Variants in GABRB3 observed in about 807,000 individuals in gnomAD.
GABRB3 encodes gamma-aminobutyric acid type A receptor subunit beta3, also known as gamma-aminobutyric acid receptor subunit beta-3.
In GABRB3, 14 loss-of-function variants were observed where a neutral mutation model predicts 52.1. That is an observed-to-expected ratio of 0.27 (90% confidence interval 0.18 to 0.42). GABRB3 has a LOEUF of 0.42. Ranked by LOEUF, GABRB3 falls within the 10% of genes least tolerant of loss-of-function variation. The pLI is 1.00. For missense variants in GABRB3, 307 were observed against 609.1 expected, an observed-to-expected ratio of 0.50 and a Z score of 5.22; for synonymous variants, 260 against 232.3, an observed-to-expected ratio of 1.12 and a Z score of -1.08.
intron 3 of GABRB3, among the ~76,000 whole-genome samples, chr15:26,700,971 C>T (rs987611614): frequency 3.3e-5 from 5 of 152,012 alleles, no homozygotes; most frequent in Admixed American, 1.3e-4. Context: ...AGGAGAATGG[C>T]GTGAACCTGG....
At chr15:26,637,952 A>C (rs1200114938) in intron 3 of GABRB3, among the ~76,000 whole-genome samples, 1 of 152,198 alleles carries the variant, frequency 6.6e-6, no homozygotes, top group Non-Finnish European at 1.5e-5. Flanking sequence ...ACCAAGGGCA[A>C]AAGACCTCAG....
intron 3 of GABRB3, among the ~76,000 whole-genome samples, chr15:26,669,783 C>T (rs1005029059): frequency 2.6e-5 from 4 of 152,216 alleles, no homozygotes; most frequent in African/African-American, 9.6e-5. Flanking sequence ...CCATCTTCTA[C>T]AACCACCATC....
chr15:26,706,154 G>C (rs1889093192), intron 3 of GABRB3, among the ~76,000 whole-genome samples: 1 of 152,166 alleles, frequency 6.6e-6, no homozygotes, highest in South Asian at 2.1e-4. Context: ...TCCACTCAAT[G>C]TTCATTCACT....
chr15:26,716,624 A>T, intron 3 of GABRB3: 1 of 998,940 alleles, frequency 1.0e-6, no homozygotes, highest in Non-Finnish European at 1.2e-6. Context: ...ATCTCCTTAG[A>T]GGCCTCTTGT....
At chr15:26,670,812 G>A (rs1291287134) in intron 3 of GABRB3, among the ~76,000 whole-genome samples, 1 of 152,138 alleles carries the variant, frequency 6.6e-6, no homozygotes, top group Admixed American at 6.5e-5. Context: ...TTTCTTTTAA[G>A]CCCTTGCCTT....
At chr15:26,566,780 T>C (rs566948405) in intron 7 of GABRB3, among the ~76,000 whole-genome samples, 3 of 152,128 alleles carry the variant, frequency 2.0e-5, no homozygotes, top group Non-Finnish European at 4.4e-5. Flanking sequence ...TGAATTCTTA[T>C]GTTTTTTTGT....
intron 3 of GABRB3, among the ~76,000 whole-genome samples, chr15:26,631,961 A>G (rs1374572600): frequency 2.0e-5 from 3 of 152,206 alleles, no homozygotes; most frequent in Non-Finnish European, 2.9e-5. Flanking sequence ...TGGTACCTTT[A>G]AAAAGCTCAC....
rs2140199019 is a variant in GABRB3, at chr15:26,772,400, A to G, written c.240+2T>C. The G allele has an allele frequency of 6.2e-7, 1 of 1,608,150 alleles. No homozygotes were observed. The highest frequency in any genetic ancestry group is 8.5e-7 in the Non-Finnish European group (1 of 1,177,298). ...GACCGCCCTGGGAGGGCGGGCACTC[A>G]CCATGTTGACTTCGGAAACCATGTC... is the stretch of plus-strand genomic sequence containing the variant. On this transcript the variant is annotated splice_donor_variant, in intron 3 of 8. Transcript: ENST00000311550. LOFTEE classifies it high-confidence loss of function.
intron 6 of GABRB3, among the ~76,000 whole-genome samples, chr15:26,573,074 A>G (rs1283527019): frequency 6.6e-6 from 1 of 152,202 alleles, no homozygotes; most frequent in Non-Finnish European, 1.5e-5. Flanking sequence ...GAGCCACTCA[A>G]ATGCATCTGT....
rs1567097849 is a variant in GABRB3 at position 26,554,189 on chromosome 15, TACTATATATATATATATATAG to T, written c.1081-6076_1081-6056del. Among the ~76,000 whole-genome samples, 114 of 27,322 alleles carry T rather than the reference TACTATATATATATATATATAG, an allele frequency of 4.2e-3. 11 individuals carry two copies. Among genetic ancestry groups the T allele is most frequent in the Non-Finnish European group, 5.6e-3 (81 of 14,484 alleles). The allele number at this position is 27,322 out of a possible 152,430, so 17.9% of individuals were successfully genotyped here. A position where few individuals can be genotyped will look rare whatever the true frequency, so the allele number is the denominator to read the frequency against. ...TATATATATAAAGTATATATATATA[TACTATATATATATATATATAG>T]TAGAAACAAGGTCTCTCTTTGTTGC... On this transcript the variant is annotated intron_variant, in intron 8 of 8. Transcript: ENST00000311550.
At chr15:26,581,025 T>G in intron 5 of GABRB3, 1 of 255,192 alleles carries the variant, frequency 3.9e-6, no homozygotes, top group East Asian at 1.0e-4. Flanking sequence ...GTTCTTGGGA[T>G]ATTCCTGACC....
chr15:26,765,346 A>G (rs967134985), intron 3 of GABRB3, among the ~76,000 whole-genome samples: 1 of 152,134 alleles, frequency 6.6e-6, no homozygotes, highest in Non-Finnish European at 1.5e-5. Context: ...CCCCAGTGAA[A>G]GGGGTACCAG....
At position 26,621,257 on chromosome 15, in the gene GABRB3, T is replaced by C. The variant is rs1892471047; in HGVS notation, c.461+57A>G. The C allele has an allele frequency of 7.9e-7, 1 of 1,265,280 alleles. No homozygotes were observed. Among genetic ancestry groups the C allele is most frequent in the South Asian group, 1.2e-5 (1 of 83,908 alleles). 78.4% of individuals were successfully genotyped at this position (1,265,280 alleles called of 1,614,324 possible). ...CTTACAATAATCATCTCAAGTGAGA[T>C]ATTCAACACCCATGCACCATGCAAC... On this transcript the variant is annotated intron_variant, in intron 4 of 8. Coordinates refer to ENST00000311550, the MANE Select transcript of GABRB3 (RefSeq NM_000814.6). The surrounding 1 kb of genome is among the most constrained non-coding windows in gnomAD (Gnocchi z 4.1).
At chr15:26,769,057 A>G (rs1432484998) in intron 3 of GABRB3, among the ~76,000 whole-genome samples, 1 of 152,238 alleles carries the variant, frequency 6.6e-6, no homozygotes, top group South Asian at 2.1e-4. Context: ...TACACAGGCT[A>G]CCAGTAGATA....
At chr15:26,634,438 C>G (rs1195308130) in intron 3 of GABRB3, among the ~76,000 whole-genome samples, 1 of 152,162 alleles carries the variant, frequency 6.6e-6, no homozygotes, top group African/African-American at 2.4e-5. Flanking sequence ...TCTGTCGATA[C>G]TATTTCCTAA....
chr15:26,584,375 A>AGT (rs1450080541), intron 4 of GABRB3, among the ~76,000 whole-genome samples: 1 of 152,100 alleles, frequency 6.6e-6, no homozygotes, highest in Non-Finnish European at 1.5e-5. Flanking sequence ...TTCCACGGGA[A>AGT]GTGTTAAAGT....
chr15:26,615,178 T>G, intron 4 of GABRB3: 1 of 601,910 alleles, frequency 1.7e-6, no homozygotes, highest in Non-Finnish European at 2.1e-6. Flanking sequence ...AGAAGAAAAC[T>G]TCAGTGCAGC....
chr15:26,656,823 G>A (rs970991150), intron 3 of GABRB3, among the ~76,000 whole-genome samples: 2 of 152,170 alleles, frequency 1.3e-5, no homozygotes, highest in African/African-American at 4.8e-5. Context: ...AAAAAGGTTG[G>A]GGACCCTGTC....
intron 3 of GABRB3, among the ~76,000 whole-genome samples, chr15:26,638,985 A>G (rs1291175864): frequency 6.6e-6 from 1 of 152,104 alleles, no homozygotes; most frequent in Non-Finnish European, 1.5e-5. Context: ...GTGGATGTCA[A>G]TATGGTCTTG....
Sources: gnomAD v4.1 joint callset for allele counts (sites outside exome capture counted in the v4.1 genomes callset) on GRCh38, gnomAD v4.1.1 for gene constraint, Gnocchi (gnomAD v3.1) non-coding constraint, MANE v1.5 for transcripts, NCBI Gene and HGNC (gene_info 2026-07-23, HGNC 2026-07-21) for gene names.